GLUD1: variants seen among roughly 807,000 people sequenced by gnomAD.
GLUD1 encodes glutamate dehydrogenase 1, also known as glutamate dehydrogenase 1, mitochondrial.
A neutral mutation model predicts 56.0 loss-of-function variants in GLUD1; 22 were observed. The ratio of observed to expected loss-of-function variants is 0.39; its 90% confidence interval spans 0.28 to 0.56. GLUD1 has a LOEUF of 0.56. GLUD1 is among the 20% of genes least tolerant of loss of function. GLUD1 has a pLI of 0.58. For missense variants in GLUD1, 451 were observed against 732.0 expected (o/e 0.62, Z 4.43); for synonymous variants, 223 against 269.9 (o/e 0.83, Z 1.70).
intron 1 of GLUD1, chr10:87,089,866 GGT>G (rs1348007067): frequency 4.3e-6 from 1 of 233,166 alleles, no homozygotes; most frequent in Non-Finnish European, 7.0e-6. Context: ...GACTGTTCAT[GGT>G]TATATTGGGG....
chr10:87,067,169 A>C (rs542508454), intron 5 of GLUD1, among the ~76,000 whole-genome samples: 29 of 152,212 alleles, frequency 1.9e-4, no homozygotes, highest in South Asian at 8.3e-4. Context: ...AAATTTCTCC[A>C]CTGACTACCA....
chr10:87,081,017 G>A (rs1231619881), intron 1 of GLUD1, among the ~76,000 whole-genome samples: 2 of 134,336 alleles, frequency 1.5e-5, no homozygotes, highest in Non-Finnish European at 3.3e-5. Flanking sequence ...CGGGAGGGAG[G>A]TGGGGGGTCA....
At chr10:87,092,181 T>C (rs1841524877) in intron 1 of GLUD1, among the ~76,000 whole-genome samples, 1 of 152,228 alleles carries the variant, frequency 6.6e-6, no homozygotes, top group Non-Finnish European at 1.5e-5. Flanking sequence ...TGGAAGGCTA[T>C]AGTACCCAAA....
intron 3 of GLUD1, 120 bp downstream of exon 3, chr10:87,075,848 A>AGT: frequency 2.7e-6 from 2 of 747,384 alleles, no homozygotes; most frequent in Non-Finnish European, 4.8e-6. Flanking sequence ...CGGGAGGCGG[A>AGT]GGTTGCAGTG....
chr10:87,088,836 T>C (rs1841447791), intron 1 of GLUD1, among the ~76,000 whole-genome samples: 1 of 152,204 alleles, frequency 6.6e-6, no homozygotes. Flanking sequence ...AATTTCAAAA[T>C]TATTCAATAG....
chr10:87,060,086 C>T (rs989547632), intron 9 of GLUD1, 75 bp downstream of exon 9: 159 of 960,176 alleles, frequency 1.7e-4, no homozygotes, highest in Non-Finnish European at 2.5e-4. Context: ...TAATTCCTCT[C>T]TTCCTCCAAA....
At chr10:87,064,817 T>C (rs1220289174) in intron 5 of GLUD1, among the ~76,000 whole-genome samples, 1 of 152,138 alleles carries the variant, frequency 6.6e-6, no homozygotes, top group East Asian at 1.9e-4. Context: ...AGAATGCAAA[T>C]GCTGGAGCTG....
At chr10:87,056,993 G>C (rs959696575) in intron 11 of GLUD1, among the ~76,000 whole-genome samples, 8 of 151,790 alleles carry the variant, frequency 5.3e-5, no homozygotes, top group Admixed American at 1.3e-4. Context: ...GCGGGGGGAG[G>C]GGGGTGGCGG....
chr10:87,069,442 G>T (rs1424643917), intron 4 of GLUD1, among the ~76,000 whole-genome samples: 2 of 151,512 alleles, frequency 1.3e-5, no homozygotes, highest in African/African-American at 4.9e-5. Flanking sequence ...TTGAATGGAG[G>T]TGGGGGGTGT....
rs924162554 is a variant in GLUD1 at position 87,053,515 on chromosome 10, G to A, written c.1495-111C>T. On this transcript the variant is annotated intron_variant, in intron 11 of 12. Transcript: ENST00000277865. ...AATATACAACCAGACAGAATTTTTT[G>A]TCTTTTAGCTAAGATATGTCATTTC... 4 of 747,836 alleles carry A rather than the reference G, an allele frequency of 5.3e-6. No homozygotes were observed. The East Asian group carries it at 1.0e-4, about 19-fold the overall frequency. The allele number at this position is 747,836 out of a possible 1,614,324, so 46.3% of individuals were successfully genotyped here.
At position 87,094,596 on chromosome 10, in the gene GLUD1, G is replaced by T; in HGVS notation, c.174C>A (p.Ala58=). 3.5e-5 allele frequency: 57 copies of T among 1,611,094 alleles called. No individual in the cohort carries two copies. Among genetic ancestry groups the T allele is most frequent in the Non-Finnish European group, 4.8e-5 (57 of 1,179,750 alleles). Residue 58 remains alanine, a synonymous_variant, in exon 1 of 13, where the codon GCC becomes GCA. Coordinates refer to ENST00000277865, the MANE Select transcript of GLUD1 (RefSeq NM_005271.5). This position sits in a 1 kb window ranked among gnomAD's most constrained non-coding sequence, Gnocchi z 6.6. ...AGAAGTTGGGGTCGTCCTCGCGGTC[G>T]GCCACCGCCTCGCTGTAGTGGCGCC... ...AARRHYSEAV[A]DREDDPNFFK... is the part of the protein sequence containing the mutation.
chr10:87,057,988 C>T (rs1468317716), intron 10 of GLUD1, among the ~76,000 whole-genome samples: 1 of 152,140 alleles, frequency 6.6e-6, no homozygotes, highest in Admixed American at 6.5e-5. Flanking sequence ...CCTGCCTCAG[C>T]CTTGCGAGTA....
chr10:87,066,928 G>T (rs1273838092), intron 5 of GLUD1, among the ~76,000 whole-genome samples: 1 of 152,182 alleles, frequency 6.6e-6, no homozygotes, highest in African/African-American at 2.4e-5. Context: ...CCCAGACTCA[G>T]GTTCTCCTGG....
At chr10:87,080,104 G>T (rs1320155874) in intron 1 of GLUD1, among the ~76,000 whole-genome samples, 2 of 151,842 alleles carry the variant, frequency 1.3e-5, no homozygotes, top group African/African-American at 4.8e-5. Context: ...CGCCTGACTG[G>T]TTTTCGTATT....
chr10:87,055,563 G>A (rs1213129324), intron 11 of GLUD1, among the ~76,000 whole-genome samples: 3 of 152,140 alleles, frequency 2.0e-5, no homozygotes, highest in African/African-American at 7.2e-5. Context: ...TGTTATGTAC[G>A]AAACAGTGGC....
chr10:87,084,156 T>C (rs1233214930), intron 1 of GLUD1, among the ~76,000 whole-genome samples: 5 of 152,184 alleles, frequency 3.3e-5, no homozygotes, highest in Non-Finnish European at 5.9e-5. Context: ...TCAGTAAAGC[T>C]GGAGGAAGGG....
At chr10:87,083,452 C>A (rs9420434) in intron 1 of GLUD1, among the ~76,000 whole-genome samples, 1 of 152,108 alleles carries the variant, frequency 6.6e-6, no homozygotes, top group African/African-American at 2.4e-5. Flanking sequence ...AATACATACA[C>A]ATACAAGAAA....
At chr10:87,082,132 A>C (rs1841275032) in intron 1 of GLUD1, among the ~76,000 whole-genome samples, 1 of 152,182 alleles carries the variant, frequency 6.6e-6, no homozygotes. Context: ...TTTAACTTGC[A>C]TTTAGTGGGG....
At chr10:87,069,493 C>G (rs1271410296) in intron 4 of GLUD1, among the ~76,000 whole-genome samples, 1 of 138,478 alleles carries the variant, frequency 7.2e-6, no homozygotes, top group Non-Finnish European at 1.5e-5. Context: ...CTAGCCTGGG[C>G]GACAGAGTAA....
Sources: allele counts gnomAD v4.1 joint callset (sites outside exome capture counted in the v4.1 genomes callset), GRCh38; gene constraint gnomAD v4.1.1; non-coding constraint Gnocchi (gnomAD v3.1); transcripts MANE v1.5; gene names NCBI Gene and HGNC (gene_info 2026-07-23, HGNC 2026-07-21).